Variants in ST6GALNAC3 observed in about 807,000 individuals in gnomAD.
ST6GALNAC3 encodes the protein alpha-N-acetylgalactosaminide alpha-2,6-sialyltransferase 3.
Under a neutral mutation model 32.7 loss-of-function variants are expected in ST6GALNAC3, and 25 were observed. The ratio of observed to expected loss-of-function variants is 0.76; its 90% CI spans 0.56 to 1.07. The LOEUF is 1.07. Ranked by LOEUF, ST6GALNAC3 falls within the 50% of genes least tolerant of loss-of-function variation. ST6GALNAC3 has a pLI of 0.00. For synonymous variants in ST6GALNAC3, 129 were observed against 133.1 expected (o/e 0.97, Z 0.21); for missense variants, 355 against 382.4 (o/e 0.93, Z 0.60).
At chr1:76,247,444 G>C (rs549845387) in intron 1 of ST6GALNAC3, among the ~76,000 whole-genome samples, 2 of 152,004 alleles carry the variant, frequency 1.3e-5, no homozygotes, top group Non-Finnish European at 2.9e-5. Flanking sequence ...CCCCCTAAGT[G>C]CTCTGTCCCA....
intron 1 of ST6GALNAC3, among the ~76,000 whole-genome samples, chr1:76,137,457 ATGG>A (rs1260271199): frequency 6.6e-6 from 1 of 152,204 alleles, no homozygotes; most frequent in Non-Finnish European, 1.5e-5. Context: ...GATCCAAGGG[ATGG>A]TGGTCAAGAA....
intron 3 of ST6GALNAC3, among the ~76,000 whole-genome samples, chr1:76,533,353 AT>A (rs1663379181): frequency 6.6e-6 from 1 of 152,118 alleles, no homozygotes; most frequent in Non-Finnish European, 1.5e-5. Context: ...AACACCACTA[AT>A]TCAGACCCTT....
chr1:76,368,147 T>C (rs1005734512), intron 2 of ST6GALNAC3, among the ~76,000 whole-genome samples: 1 of 152,166 alleles, frequency 6.6e-6, no homozygotes, highest in Non-Finnish European at 1.5e-5. Context: ...CTAGGTTTCA[T>C]GTACCTTACA....
intron 3 of ST6GALNAC3, among the ~76,000 whole-genome samples, chr1:76,578,179 G>T (rs1485823739): frequency 1.3e-5 from 2 of 151,980 alleles, no homozygotes; most frequent in South Asian, 2.1e-4. Flanking sequence ...ATGCTAATGG[G>T]TATCTAATCA....
rs181125218 is a variant in ST6GALNAC3, at chr1:76,414,316, A to G, written c.623+1899A>G. ...TGGTGCATTCTTATCTTTTTCACTG[A>G]GTCTATTTCTGTCTGGTTGCTTCAC... On this transcript the variant is annotated intron_variant, in intron 3 of 4. Coordinates refer to ENST00000328299, the MANE Select transcript of ST6GALNAC3 (RefSeq NM_152996.4). 2.9e-3 allele frequency among the ~76,000 whole-genome samples: 434 copies of G among 152,218 alleles called. 2 individuals are homozygous for G. Among genetic ancestry groups the G allele is most frequent in the Non-Finnish European group, 5.1e-3 (349 of 67,990 alleles).
chr1:76,579,113 C>T (rs1646854684), intron 3 of ST6GALNAC3, among the ~76,000 whole-genome samples: 1 of 152,058 alleles, frequency 6.6e-6, no homozygotes, highest in Admixed American at 6.6e-5. Context: ...ATTAGCCAGT[C>T]CTGCTGATCT....
chr1:76,340,946 C>T (rs976413853), intron 2 of ST6GALNAC3, among the ~76,000 whole-genome samples: 2 of 151,732 alleles, frequency 1.3e-5, no homozygotes, highest in Admixed American at 6.6e-5. Flanking sequence ...CTGAAGAATC[C>T]GCTTGTAACT....
intron 3 of ST6GALNAC3, among the ~76,000 whole-genome samples, chr1:76,492,632 T>C (rs939400085): frequency 6.6e-6 from 1 of 152,150 alleles, no homozygotes; most frequent in Admixed American, 6.6e-5. Context: ...AGGATGTAGA[T>C]GCACCAACCT....
chr1:76,601,497 G>C (rs1647235640), intron 3 of ST6GALNAC3, among the ~76,000 whole-genome samples: 1 of 152,166 alleles, frequency 6.6e-6, no homozygotes, highest in Non-Finnish European at 1.5e-5. Context: ...AAAGTTGAAA[G>C]AGAGGATTAA....
At chr1:76,137,548 G>C (rs778727415) in intron 1 of ST6GALNAC3, among the ~76,000 whole-genome samples, 2 of 152,210 alleles carry the variant, frequency 1.3e-5, no homozygotes, top group Non-Finnish European at 1.5e-5. Flanking sequence ...GAAATTTCAA[G>C]TAGGGAATCT....
intron 2 of ST6GALNAC3, among the ~76,000 whole-genome samples, chr1:76,342,223 C>T (rs1648102815): frequency 6.6e-6 from 1 of 152,132 alleles, no homozygotes; most frequent in African/African-American, 2.4e-5. Context: ...GGTAATATAA[C>T]CAGTAATGGG....
intron 1 of ST6GALNAC3, among the ~76,000 whole-genome samples, chr1:76,263,432 G>A (rs1430645925): frequency 1.3e-5 from 2 of 152,056 alleles, no homozygotes; most frequent in Admixed American, 6.6e-5. Flanking sequence ...CATATCAAGA[G>A]CTTTCTGAGC....
At chr1:76,099,719 C>G (rs1251568) in intron 1 of ST6GALNAC3, among the ~76,000 whole-genome samples, 49,197 of 152,010 alleles carry the variant, frequency 0.32, 9,028 homozygotes, top group South Asian at 0.43. Flanking sequence ...ATGTGGGTAT[C>G]AACTGGGGTG....
chr1:76,126,539 T>G (rs1199386983), intron 1 of ST6GALNAC3, among the ~76,000 whole-genome samples: 1 of 152,094 alleles, frequency 6.6e-6, no homozygotes, highest in African/African-American at 2.4e-5. Context: ...TACTTTTTTC[T>G]TTTCTTAATC....
chr1:76,494,462 TATATATAC>T lies in ST6GALNAC3; in HGVS notation c.623+82047_623+82054del, dbSNP rs1304603931. The stretch of plus-strand genomic sequence containing the variant: ...ATATATATATATATATATATATATA[TATATATAC>T]ACACACACACACACACTTTCCCTAC... On this transcript the variant is annotated intron_variant, in intron 3 of 4. Transcript: ENST00000328299. Among the ~76,000 whole-genome samples the T allele has an allele frequency of 1.4e-3, 123 of 87,840 alleles. 2 individuals are homozygous for T. The highest frequency in any genetic ancestry group is 5.5e-3 in the African/African-American group (119 of 21,584). The allele number at this position is 87,840 out of a possible 152,430, so 57.6% of individuals were successfully genotyped here.
chr1:76,399,567 C>T (rs996097916), intron 2 of ST6GALNAC3, among the ~76,000 whole-genome samples: 1 of 152,106 alleles, frequency 6.6e-6, no homozygotes, highest in African/African-American at 2.4e-5. Flanking sequence ...CCCTTTGCAT[C>T]TCTATAAAAA....
intron 1 of ST6GALNAC3, among the ~76,000 whole-genome samples, chr1:76,285,287 C>T (rs1050232722): frequency 3.3e-5 from 5 of 152,104 alleles, no homozygotes; most frequent in African/African-American, 7.2e-5. Flanking sequence ...AAAAAAATAA[C>T]ATGAGCCCCA....
chr1:76,614,275 T>C (rs566169996), intron 3 of ST6GALNAC3, among the ~76,000 whole-genome samples: 7 of 152,284 alleles, frequency 4.6e-5, no homozygotes, highest in African/African-American at 1.7e-4. Context: ...AGTGGTTAGA[T>C]TCTCAGGCCA....
intron 1 of ST6GALNAC3, among the ~76,000 whole-genome samples, chr1:76,152,798 T>C (rs1471275380): frequency 6.6e-6 from 1 of 152,236 alleles, no homozygotes; most frequent in East Asian, 1.9e-4. Context: ...ATAGACCATA[T>C]CCACTGGGAA....
Sources: gnomAD v4.1 joint callset for allele counts (sites outside exome capture counted in the v4.1 genomes callset) on GRCh38, gnomAD v4.1.1 for gene constraint, MANE v1.5 for transcripts, NCBI Gene and HGNC (gene_info 2026-07-23, HGNC 2026-07-21) for gene names.